CMSS1: variants seen among roughly 807,000 people sequenced by gnomAD.
The protein encoded by CMSS1 is cms1 ribosomal small subunit homolog.
In CMSS1, 33 loss-of-function variants were observed where a neutral mutation model predicts 43.5. That is an observed-to-expected ratio of 0.76 (90% CI 0.57 to 1.01). The LOEUF (loss-of-function observed/expected upper bound fraction) is 1.01, where lower values mean the gene tolerates loss of function less well. Among genes scored for constraint, CMSS1 ranks in the 50% least tolerant of loss-of-function variants. CMSS1 has a pLI of 0.00. For synonymous variants in CMSS1, 115 were observed against 117.2 expected (o/e 0.98, Z 0.12); for missense variants, 313 against 326.4 (o/e 0.96, Z 0.32).
chr3:100,138,495 A>G (rs2066774032), intron 1 of CMSS1, among the ~76,000 whole-genome samples: 1 of 152,228 alleles, frequency 6.6e-6, no homozygotes, highest in Admixed American at 6.5e-5. Flanking sequence ...CAAATTTACA[A>G]GAAAAAAACA....
At chr3:99,987,456 G>T (rs1709376099) in intron 1 of CMSS1, among the ~76,000 whole-genome samples, 2 of 150,652 alleles carry the variant, frequency 1.3e-5, no homozygotes, top group South Asian at 2.1e-4. Flanking sequence ...TTGAACCCGG[G>T]AGGCAGAGGT....
At chr3:99,989,268 T>C (rs563400173) in intron 1 of CMSS1, among the ~76,000 whole-genome samples, 2 of 152,348 alleles carry the variant, frequency 1.3e-5, no homozygotes, top group East Asian at 3.9e-4. Context: ...TGCTCTGGTC[T>C]GAGTTCTGCT....
At chr3:100,121,558 C>T (rs1320108795) in intron 1 of CMSS1, among the ~76,000 whole-genome samples, 1 of 152,094 alleles carries the variant, frequency 6.6e-6, no homozygotes, top group African/African-American at 2.4e-5. Flanking sequence ...CATACGTGTA[C>T]ATGTGATGCT....
intron 1 of CMSS1, among the ~76,000 whole-genome samples, chr3:100,069,017 G>A (rs1238474545): frequency 2.0e-5 from 3 of 152,160 alleles, no homozygotes; most frequent in African/African-American, 7.2e-5. Context: ...CAGATAGAAC[G>A]TTAGCAAGTA....
At chr3:100,067,094 T>G (rs2065679180) in intron 1 of CMSS1, among the ~76,000 whole-genome samples, 1 of 152,190 alleles carries the variant, frequency 6.6e-6, no homozygotes, top group African/African-American at 2.4e-5. Context: ...CTGAGATGCA[T>G]GTTCCCAGGG....
intron 1 of CMSS1, among the ~76,000 whole-genome samples, chr3:100,046,064 G>T (rs2065274130): frequency 1.3e-5 from 2 of 152,184 alleles, no homozygotes; most frequent in African/African-American, 4.8e-5. Context: ...GTATGGAGAG[G>T]CAAGAGAATA....
intron 2 of CMSS1, among the ~76,000 whole-genome samples, chr3:100,152,562 T>C (rs2066928958): frequency 6.6e-6 from 1 of 152,194 alleles, no homozygotes; most frequent in African/African-American, 2.4e-5. Flanking sequence ...TGTGACTGAA[T>C]CGTATTCTGA....
intron 1 of CMSS1, among the ~76,000 whole-genome samples, chr3:99,844,916 GT>G (rs1474982024): frequency 1.3e-5 from 2 of 152,150 alleles, no homozygotes; most frequent in Non-Finnish European, 2.9e-5. Flanking sequence ...ATGATTGTAA[GT>G]TTCCTGAGGC....
rs1375913857 is a variant in CMSS1, at chr3:100,180,711, G to T, written c.*2323G>T. 2 of 152,186 alleles carry T rather than the reference G, an allele frequency of 1.3e-5. No homozygotes were observed. The highest frequency in any genetic ancestry group is 4.8e-5 in the African/African-American group (2 of 41,442). 9.4% of individuals were successfully genotyped at this position (152,186 alleles called of 1,614,324 possible). A position where few individuals can be genotyped will look rare whatever the true frequency, so the allele number is the denominator to read the frequency against. On this transcript the variant is annotated 3_prime_UTR_variant, in exon 10 of 10. Transcript: ENST00000421999. ...GGTTCCAAACATCCCTCATATTCCT[G>T]TCTTCTTCTGATCCTTCCAAACTGT...
intron 1 of CMSS1, among the ~76,000 whole-genome samples, chr3:100,120,515 TC>T (rs2066610518): frequency 6.6e-6 from 1 of 152,208 alleles, no homozygotes; most frequent in African/African-American, 2.4e-5. Flanking sequence ...TTCATTCTAA[TC>T]CTGTTTTCTG....
At chr3:99,842,951 G>A (rs913137378) in intron 1 of CMSS1, among the ~76,000 whole-genome samples, 1 of 152,156 alleles carries the variant, frequency 6.6e-6, no homozygotes, top group Non-Finnish European at 1.5e-5. Context: ...TGGCTGCTCT[G>A]ATATATTGAC....
chr3:100,056,779 C>T (rs371445285), intron 1 of CMSS1, among the ~76,000 whole-genome samples: 3 of 151,672 alleles, frequency 2.0e-5, no homozygotes, highest in East Asian at 1.9e-4. Context: ...GCAGGCCGGG[C>T]GGATCACGAG....
chr3:99,949,823 A>G (rs1220966303), intron 1 of CMSS1, among the ~76,000 whole-genome samples: 2 of 152,226 alleles, frequency 1.3e-5, no homozygotes, highest in Non-Finnish European at 1.5e-5. Flanking sequence ...TGTAGAAATA[A>G]TTCTTTGATT....
chr3:99,985,286 C>G (rs549073528), intron 1 of CMSS1, among the ~76,000 whole-genome samples: 1 of 152,142 alleles, frequency 6.6e-6, no homozygotes, highest in Admixed American at 6.5e-5. Context: ...AATTCCAACA[C>G]TTTGGTAGGC....
intron 1 of CMSS1, among the ~76,000 whole-genome samples, chr3:99,844,260 C>G (rs959120177): frequency 1.3e-5 from 2 of 152,146 alleles, no homozygotes; most frequent in African/African-American, 2.4e-5. Flanking sequence ...CCCTACGCCC[C>G]CAGAGGTTCT....
chr3:100,091,013 C>T (rs2066095153), intron 1 of CMSS1, among the ~76,000 whole-genome samples: 1 of 152,188 alleles, frequency 6.6e-6, no homozygotes, highest in African/African-American at 2.4e-5. Context: ...GGCCCGGGCA[C>T]AGTGGCTCAC....
chr3:99,891,014 T>G (rs1304480126), intron 1 of CMSS1, among the ~76,000 whole-genome samples: 2 of 152,120 alleles, frequency 1.3e-5, no homozygotes, highest in Non-Finnish European at 2.9e-5. Flanking sequence ...TTAAACTGAA[T>G]TTTTTGACCT....
At position 99,857,415 on chromosome 3, in the gene CMSS1, C is replaced by T. The variant is rs74593718; in HGVS notation, c.64+39372C>T. On this transcript the variant is annotated intron_variant, in intron 1 of 9. Transcript: ENST00000421999. ...GAGGAGAACAGGGTTAGGTGGTAAA[C>T]GTCCACATCCTAGCCCATCAGTCTC... is the stretch of plus-strand genomic sequence containing the variant. Among the ~76,000 whole-genome samples, 844 of 152,306 alleles carry T rather than the reference C, an allele frequency of 5.5e-3. 41 individuals are homozygous for T. The East Asian group carries it at 0.12, about 21-fold the overall frequency.
At chr3:100,062,642 GAT>G (rs1287020992) in intron 1 of CMSS1, among the ~76,000 whole-genome samples, 3 of 152,142 alleles carry the variant, frequency 2.0e-5, no homozygotes. Context: ...TTTTAACATT[GAT>G]TCTAAGCTGC....
Sources: allele counts gnomAD v4.1 joint callset (sites outside exome capture counted in the v4.1 genomes callset), GRCh38; gene constraint gnomAD v4.1.1; transcripts MANE v1.5; gene names NCBI Gene and HGNC (gene_info 2026-07-23, HGNC 2026-07-21).